Variants in MTMR12 observed in about 807,000 individuals in gnomAD.
MTMR12 encodes myotubularin related protein 12.
In MTMR12, 33 loss-of-function variants were observed where a neutral mutation model predicts 96.7. The observed-to-expected ratio is 0.34, with a 90% CI of 0.26 to 0.46. The LOEUF (loss-of-function observed/expected upper bound fraction) is 0.46. MTMR12 is among the 20% of genes least tolerant of loss of function. The pLI is 1.00. For missense variants in MTMR12, 721 were observed against 896.1 expected (o/e 0.80, Z 2.49); for synonymous variants, 298 against 327.2 (o/e 0.91, Z 0.96).
chr5:32,279,327 AAAAGATCACTTG>A (rs1454509575), intron 1 of MTMR12, among the ~76,000 whole-genome samples: 1 of 151,932 alleles, frequency 6.6e-6, no homozygotes, highest in Admixed American at 6.6e-5. Context: ...GGCTGAGGTG[AAAAGATCACTTG>A]AGGCCAGGAG....
rs549703431 is a variant in MTMR12, at chr5:32,304,062, C to T, written c.81+8696G>A. On this transcript the variant is annotated intron_variant, in intron 1 of 15. Transcript: ENST00000382142. ...CATAGGCCGGGCGCAGTAGCTCACG[C>T]CTGTAATCCCAGCACTTTGGGAGCC... Among the ~76,000 whole-genome samples the T allele has an allele frequency of 2.8e-4, 42 of 152,228 alleles. 1 individual carries two copies. The highest frequency in any genetic ancestry group is 1.0e-3 in the South Asian group (5 of 4,824).
intron 1 of MTMR12, among the ~76,000 whole-genome samples, chr5:32,278,933 C>T (rs980290152): frequency 1.3e-4 from 19 of 151,388 alleles, no homozygotes; most frequent in South Asian, 2.1e-4. Flanking sequence ...CAAAATTAGC[C>T]GGGGTGTTGG....
chr5:32,284,187 A>G (rs565565177), intron 1 of MTMR12, among the ~76,000 whole-genome samples: 1 of 151,434 alleles, frequency 6.6e-6, no homozygotes, highest in African/African-American at 2.4e-5. Context: ...GCATGGTGGC[A>G]TGTGCCTGTA....
intron 2 of MTMR12, 42 bp downstream of exon 2, chr5:32,276,640 C>A (rs763079249): frequency 6.5e-7 from 1 of 1,538,942 alleles, no homozygotes; most frequent in South Asian, 1.1e-5. Context: ...TTATCATTGG[C>A]TTTGCCTTGC....
chr5:32,287,949 G>C (rs1249835194), intron 1 of MTMR12, among the ~76,000 whole-genome samples: 2 of 152,004 alleles, frequency 1.3e-5, no homozygotes, highest in Non-Finnish European at 2.9e-5. Flanking sequence ...ACGAACTCAG[G>C]GATTCTACCT....
intron 6 of MTMR12, among the ~76,000 whole-genome samples, chr5:32,265,113 T>G (rs1749539797): frequency 6.6e-6 from 1 of 152,176 alleles, no homozygotes; most frequent in Admixed American, 6.5e-5. Flanking sequence ...CAAAACACAT[T>G]TGTGAATTAT....
intron 1 of MTMR12, among the ~76,000 whole-genome samples, chr5:32,294,271 C>T (rs1307333190): frequency 6.6e-6 from 1 of 152,118 alleles, no homozygotes; most frequent in Non-Finnish European, 1.5e-5. Flanking sequence ...AAACCACACT[C>T]TGTATATGCC....
chr5:32,255,072 C>CA (rs1215614644), intron 8 of MTMR12, among the ~76,000 whole-genome samples: 5 of 152,154 alleles, frequency 3.3e-5, no homozygotes, highest in Non-Finnish European at 7.3e-5. Flanking sequence ...CCTGCTTAAC[C>CA]ATACCTCCAC....
Position 32,312,477 on chromosome 5 carries a change from G to A in MTMR12, c.81+281C>T, listed in dbSNP as rs1751637027. On this transcript the variant is annotated intron_variant, in intron 1 of 15. Transcript: ENST00000382142. This position sits in a 1 kb window ranked among gnomAD's most constrained non-coding sequence, Gnocchi z 5.0. ...CCAGGTCCTCTCCAGAATCCCCAGG[G>A]GCGTTCCGGGCCGCAATCCCTTCTC... 6.6e-6 allele frequency among the ~76,000 whole-genome samples: 1 copy of A among 152,198 alleles called. No homozygotes were observed. The highest frequency in any genetic ancestry group is 2.1e-4 in the South Asian group (1 of 4,838).
intron 1 of MTMR12, among the ~76,000 whole-genome samples, chr5:32,289,455 TTCTC>T (rs2112126797): frequency 6.6e-6 from 1 of 152,292 alleles, no homozygotes; most frequent in African/African-American, 2.4e-5. Flanking sequence ...CAGTGGATCT[TTCTC>T]TCATCCTTCC....
Position 32,270,823 on chromosome 5 carries a change from G to A in MTMR12, c.483C>T (p.Val161=). The A allele has an allele frequency of 6.2e-7, 1 of 1,607,246 alleles. No homozygotes were observed. The highest frequency in any genetic ancestry group is 8.5e-7 in the Non-Finnish European group (1 of 1,177,838). Residue 161 remains valine, a synonymous_variant, in exon 5 of 16, where the codon GTC becomes GTT. Transcript: ENST00000382142. ...AACACATGCAACTAGTTACCCTTTT[G>A]ACTTCCTCTTCCTTTGTGTACCTCA... ...FCLRYTKEEE[V]KRIVSGIIHH...
chr5:32,287,883 T>A (rs1750600920), intron 1 of MTMR12, among the ~76,000 whole-genome samples: 1 of 152,160 alleles, frequency 6.6e-6, no homozygotes, highest in African/African-American at 2.4e-5. Context: ...CCAAGGGACA[T>A]AATGAAGCTG....
intron 2 of MTMR12, among the ~76,000 whole-genome samples, chr5:32,276,147 C>T (rs914793216): frequency 3.3e-5 from 5 of 152,232 alleles, no homozygotes; most frequent in African/African-American, 1.2e-4. Context: ...GCTAAAGTCA[C>T]TGTCCTCTAC....
intron 7 of MTMR12, among the ~76,000 whole-genome samples, chr5:32,258,318 T>C (rs1351615369): frequency 6.6e-6 from 1 of 152,236 alleles, no homozygotes; most frequent in Non-Finnish European, 1.5e-5. Context: ...TCTGACTGAA[T>C]GGGTGACTGG....
intron 1 of MTMR12, among the ~76,000 whole-genome samples, chr5:32,293,501 A>G (rs1337280721): frequency 6.6e-6 from 1 of 152,214 alleles, no homozygotes; most frequent in African/African-American, 2.4e-5. Context: ...ACTTGCAGAC[A>G]GCCTGTTGTG....
At chr5:32,310,462 T>C (rs932413985) in intron 1 of MTMR12, among the ~76,000 whole-genome samples, 5 of 152,204 alleles carry the variant, frequency 3.3e-5, no homozygotes, top group African/African-American at 1.2e-4. Context: ...ACGAGTACTA[T>C]TCAGCCATAA....
chr5:32,265,271 G>A (rs991623181), intron 6 of MTMR12, among the ~76,000 whole-genome samples: 1 of 152,208 alleles, frequency 6.6e-6, no homozygotes, highest in African/African-American at 2.4e-5. Context: ...GGAAGTAGAA[G>A]AAGAGTGGAA....
In MTMR12 at chr5:32,227,598, G is replaced by A. The variant is rs1420576652; in HGVS notation, c.*2180C>T. On this transcript the variant is annotated 3_prime_UTR_variant, in exon 16 of 16. Coordinates refer to ENST00000382142, the MANE Select transcript of MTMR12 (RefSeq NM_001040446.3). ...GCATTTTTGGAATGAAAATTACAAA[G>A]CCTGAAGAGGCTACTGTATAAATAT... is the stretch of plus-strand genomic sequence containing the variant. 6.6e-6 allele frequency: 1 copy of A among 152,624 alleles called. No individual in the cohort carries two copies. Among genetic ancestry groups the A allele is most frequent in the Non-Finnish European group, 1.5e-5 (1 of 68,038 alleles). The allele number at this position is 152,624 out of a possible 1,614,324, so 9.5% of individuals were successfully genotyped here. A position where few individuals can be genotyped will look rare whatever the true frequency, so the allele number is the denominator to read the frequency against.
At chr5:32,293,866 A>G (rs1750828377) in intron 1 of MTMR12, among the ~76,000 whole-genome samples, 1 of 152,194 alleles carries the variant, frequency 6.6e-6, no homozygotes, top group Non-Finnish European at 1.5e-5. Flanking sequence ...TTTCAAAATC[A>G]GCTCATCGCC....
Sources: gnomAD v4.1 joint callset for allele counts (sites outside exome capture counted in the v4.1 genomes callset) on GRCh38, gnomAD v4.1.1 for gene constraint, Gnocchi (gnomAD v3.1) non-coding constraint, MANE v1.5 for transcripts, NCBI Gene and HGNC (gene_info 2026-07-23, HGNC 2026-07-21) for gene names.